The following APBB2 variants were observed in gnomAD, a reference collection of about 807,000 sequenced individuals.
APBB2 encodes Fe65-like 1.
A neutral mutation model predicts 82.5 loss-of-function variants in APBB2; 38 were observed. That is an observed-to-expected ratio of 0.46 (90% CI 0.36 to 0.60). The LOEUF is 0.60. APBB2 is among the 20% of genes least tolerant of loss of function. APBB2 has a pLI of 0.00. For missense variants in APBB2, 772 were observed against 972.3 expected, an observed-to-expected ratio of 0.79 and a Z score of 2.74; for synonymous variants, 341 against 368.2, an observed-to-expected ratio of 0.93 and a Z score of 0.85.
intron 10 of APBB2, among the ~76,000 whole-genome samples, chr4:40,895,514 C>T (rs539917879): frequency 9.8e-5 from 15 of 152,376 alleles, no homozygotes; most frequent in African/African-American, 3.4e-4. Flanking sequence ...CCTGCCCCTC[C>T]GCAGCTCTGC....
intron 6 of APBB2, among the ~76,000 whole-genome samples, chr4:40,959,168 A>C (rs1792439962): frequency 6.6e-6 from 1 of 152,210 alleles, no homozygotes; most frequent in Admixed American, 6.5e-5. Context: ...CATCATTCAG[A>C]GAATGTGCCC....
intron 2 of APBB2, among the ~76,000 whole-genome samples, chr4:41,139,874 G>A (rs901462488): frequency 1.3e-5 from 2 of 152,066 alleles, no homozygotes; most frequent in African/African-American, 4.8e-5. Context: ...AACATACAAC[G>A]CAAAGAGTGA....
intron 3 of APBB2, among the ~76,000 whole-genome samples, chr4:41,073,254 A>G (rs1202999503): frequency 1.3e-5 from 2 of 152,204 alleles, no homozygotes; most frequent in African/African-American, 4.8e-5. Context: ...TCAGAGTAAA[A>G]AAAACCTAGA....
rs1560635518 is a variant in APBB2 at position 41,057,827 on chromosome 4, G to C, written c.-51+7749C>G. Among the ~76,000 whole-genome samples, 4 of 152,150 alleles carry C rather than the reference G, an allele frequency of 2.6e-5. No homozygotes were observed. In the South Asian group the frequency reaches 8.3e-4, roughly 32 times the overall value. On this transcript the variant is annotated intron_variant, in intron 4 of 17. Coordinates refer to ENST00000508593, the MANE Select transcript of APBB2 (RefSeq NM_004307.2). ...TCTGGAGGCTGCTCGCAGAAGATAG[G>C]TCTTAAGCTTCCCAAGTCTGGCTGG...
At position 41,192,648 on chromosome 4, in the gene APBB2, G is replaced by C. The variant is rs574360129; in HGVS notation, c.-417+21757C>G. Among the ~76,000 whole-genome samples, 5 of 152,226 alleles carry C rather than the reference G, an allele frequency of 3.3e-5. No individual in the cohort carries two copies. In the South Asian group the frequency reaches 8.3e-4, roughly 25 times the overall value. On this transcript the variant is annotated intron_variant, in intron 1 of 17. Transcript: ENST00000508593. ...ACAGTGGAATGGAATGGGGGAGGTGGGGAAATATAGGTTCAGAGGATACAA... is the reference window on the plus strand; with the variant it reads ...ACAGTGGAATGGAATGGGGGAGGTGCGGAAATATAGGTTCAGAGGATACAA...
chr4:41,195,939 T>C, intron 1 of APBB2, among the ~76,000 whole-genome samples: 7 of 152,154 alleles, frequency 4.6e-5, no homozygotes, highest in African/African-American at 1.7e-4. Context: ...GGCGGGCAGA[T>C]CACAAGGTCA....
chr4:41,122,140 G>A (rs1236736906), intron 2 of APBB2, among the ~76,000 whole-genome samples: 1 of 152,022 alleles, frequency 6.6e-6, no homozygotes, highest in Non-Finnish European at 1.5e-5. Flanking sequence ...TGCCCAGGCT[G>A]GTCTCAAACT....
Position 40,890,501 on chromosome 4 carries a change from A to G in APBB2, c.1402-10T>C, listed in dbSNP as rs1210983217. Reference sequence around the variant, plus strand: ...GGTACATGTCTTTCCCCTGGGACACAACGAGAAAACACGCTGTCTTCTTCA... The same window carrying G: ...GGTACATGTCTTTCCCCTGGGACACGACGAGAAAACACGCTGTCTTCTTCA... On this transcript the variant is annotated splice_polypyrimidine_tract_variant and intron_variant, in intron 11 of 17. Coordinates refer to ENST00000508593, the MANE Select transcript of APBB2 (RefSeq NM_004307.2). The G allele has an allele frequency of 6.2e-7, 1 of 1,613,468 alleles. No homozygotes were observed. Among genetic ancestry groups the G allele is most frequent in the African/African-American group, 1.3e-5 (1 of 74,856 alleles).
rs555440716 is a variant in APBB2 at position 41,001,058 on chromosome 4, C to T, written c.835+12525G>A. 2.8e-4 allele frequency among the ~76,000 whole-genome samples: 42 copies of T among 152,326 alleles called. No individual in the cohort carries two copies. The South Asian group carries it at 5.0e-3, about 18-fold the overall frequency. ...CCCCCACTGTAAAGCAAAGCAGGAA[C>T]TGCAGAGCTAGTCCATTACTGAGAA... On this transcript the variant is annotated intron_variant, in intron 6 of 17. Coordinates refer to ENST00000508593, the MANE Select transcript of APBB2 (RefSeq NM_004307.2).
intron 15 of APBB2, 53 bp downstream of exon 15, chr4:40,825,834 C>G: frequency 6.7e-7 from 1 of 1,490,310 alleles, no homozygotes; most frequent in Non-Finnish European, 9.4e-7. Flanking sequence ...CGAACGCCTC[C>G]TGTGAGCTCC....
intron 12 of APBB2, among the ~76,000 whole-genome samples, chr4:40,863,473 A>G (rs989992014): frequency 1.3e-5 from 2 of 152,230 alleles, no homozygotes; most frequent in Admixed American, 6.5e-5. Context: ...ACTACATCCC[A>G]GGTGATGCCC....
At chr4:41,075,211 A>T (rs557914545) in intron 3 of APBB2, among the ~76,000 whole-genome samples, 1 of 152,348 alleles carries the variant, frequency 6.6e-6, no homozygotes, top group South Asian at 2.1e-4. Context: ...TAAAATTTGA[A>T]TTGATTGCCC....
At chr4:41,053,111 T>G (rs993761324) in intron 4 of APBB2, among the ~76,000 whole-genome samples, 1 of 152,170 alleles carries the variant, frequency 6.6e-6, no homozygotes. Flanking sequence ...TAACTGCACA[T>G]ATTTTTATTT....
intron 6 of APBB2, among the ~76,000 whole-genome samples, chr4:40,948,691 C>A (rs181304544): frequency 1.8e-4 from 26 of 141,372 alleles, no homozygotes; most frequent in African/African-American, 6.9e-4. Context: ...ACCCAGGAGG[C>A]GGAGGTTGCA....
rs572922824 is a variant in APBB2, at chr4:40,935,179, A to G, written c.1045-40T>C. ...ATTCACATAGGAAAAAAGCACATTG[A>G]TTTAAAGAAAAAGAAAAGAAAAGAA... On this transcript the variant is annotated intron_variant, in intron 7 of 17. Transcript: ENST00000508593. The G allele has an allele frequency of 6.2e-6, 8 of 1,299,428 alleles. No homozygotes were observed. The South Asian group carries it at 1.1e-4, about 18-fold the overall frequency. The allele number at this position is 1,299,428 out of a possible 1,614,324, so 80.5% of individuals were successfully genotyped here. A position where few individuals can be genotyped will look rare whatever the true frequency, so the allele number is the denominator to read the frequency against.
At chr4:41,182,447 C>T (rs2154064634) in intron 1 of APBB2, among the ~76,000 whole-genome samples, 1 of 152,342 alleles carries the variant, frequency 6.6e-6, no homozygotes, top group South Asian at 2.1e-4. Flanking sequence ...TAAATCACAT[C>T]TCCAGTATTG....
chr4:40,849,725 CTT>C (rs758207803), intron 12 of APBB2, among the ~76,000 whole-genome samples: 45 of 123,232 alleles, frequency 3.7e-4, no homozygotes, highest in Middle Eastern at 4.5e-3. Flanking sequence ...ACTAAAGTTA[CTT>C]TTTTTTTTTT....
chr4:40,899,148 T>C (rs952624671), intron 10 of APBB2, among the ~76,000 whole-genome samples: 1 of 152,244 alleles, frequency 6.6e-6, no homozygotes, highest in Admixed American at 6.5e-5. Flanking sequence ...TGTGTCTCAA[T>C]GTCCTCGTTA....
intron 3 of APBB2, among the ~76,000 whole-genome samples, chr4:41,069,651 G>C (rs1308582524): frequency 1.3e-5 from 2 of 152,194 alleles, no homozygotes; most frequent in African/African-American, 4.8e-5. Flanking sequence ...TATCCTCGGG[G>C]CATAGGATGT....
Sources: gnomAD v4.1 joint callset for allele counts (sites outside exome capture counted in the v4.1 genomes callset) on GRCh38, gnomAD v4.1.1 for gene constraint, MANE v1.5 for transcripts, NCBI Gene and HGNC (gene_info 2026-07-23, HGNC 2026-07-21) for gene names.